The following PTPRN2 variants were observed in gnomAD, a reference collection of about 807,000 sequenced individuals.
PTPRN2 encodes protein tyrosine phosphatase receptor type N2, also known as receptor-type tyrosine-protein phosphatase N2.
PTPRN2 carries 74 observed loss-of-function variants against 118.8 expected under a neutral mutation model. The observed-to-expected ratio is 0.62, with a 90% CI of 0.52 to 0.76. PTPRN2 has a LOEUF of 0.76. Among genes scored for constraint, PTPRN2 ranks in the 30% least tolerant of loss-of-function variants. The pLI, the probability that PTPRN2 is intolerant of heterozygous loss-of-function variation, is 0.00. For missense variants in PTPRN2, 1,481 were observed against 1,394.4 expected (o/e 1.06, Z -0.99); for synonymous variants, 641 against 608.0 (o/e 1.05, Z -0.80).
At chr7:158,508,370 AC>A (rs1400878168) in intron 1 of PTPRN2, among the ~76,000 whole-genome samples, 1 of 152,196 alleles carries the variant, frequency 6.6e-6, no homozygotes, top group Non-Finnish European at 1.5e-5. Flanking sequence ...TGTATGTGGC[AC>A]CTGTCCAAGC....
intron 2 of PTPRN2, among the ~76,000 whole-genome samples, chr7:158,362,190 C>T (rs1203539722): frequency 6.6e-6 from 1 of 152,234 alleles, no homozygotes; most frequent in African/African-American, 2.4e-5. Flanking sequence ...CCCAGCTCTC[C>T]TAACTCAGCT....
rs1404785453 is a variant in PTPRN2, at chr7:157,908,881, C to T, written c.1724-10144G>A. Among the ~76,000 whole-genome samples, 3 of 152,018 alleles carry T rather than the reference C, an allele frequency of 2.0e-5. No individual in the cohort carries two copies. In the South Asian group the frequency reaches 6.2e-4, roughly 32 times the overall value. On this transcript the variant is annotated intron_variant, in intron 11 of 22. Transcript: ENST00000389418. ...GCTTTTGAAGCATAGTTTTAGTTTA[C>T]AATTTTAAGTGCATTTTTATTTTTA...
rs559012945 is a variant in PTPRN2 at position 158,253,449 on chromosome 7, G to A, written c.278-48176C>T. Reference sequence around the variant, plus strand: ...GAGGAAGCACTCAACAGAACCTTCCGTTTCCAGTCACCGGGTGATTGCCGC... The same window carrying A: ...GAGGAAGCACTCAACAGAACCTTCCATTTCCAGTCACCGGGTGATTGCCGC... On this transcript the variant is annotated intron_variant, in intron 3 of 22. Coordinates refer to ENST00000389418, the MANE Select transcript of PTPRN2 (RefSeq NM_002847.5). 1.9e-3 allele frequency among the ~76,000 whole-genome samples: 290 copies of A among 152,308 alleles called. 1 individual carries two copies. Among genetic ancestry groups the A allele is most frequent in the Middle Eastern group, 3.4e-3 (1 of 294 alleles).
chr7:157,563,426 C>T (rs867985069), intron 21 of PTPRN2, among the ~76,000 whole-genome samples: 2 of 71,514 alleles, frequency 2.8e-5, no homozygotes, highest in Non-Finnish European at 5.4e-5. Context: ...ATCAGGACCA[C>T]GTGCTCCCAC....
chr7:158,270,888 C>CT (rs1798386974), intron 3 of PTPRN2, among the ~76,000 whole-genome samples: 2 of 80,980 alleles, frequency 2.5e-5, no homozygotes, highest in African/African-American at 5.3e-5. Flanking sequence ...ACCTGGATGA[C>CT]CCCCTCCACC....
chr7:158,035,008 A>G (rs1269586026), intron 11 of PTPRN2, among the ~76,000 whole-genome samples: 1 of 152,278 alleles, frequency 6.6e-6, no homozygotes, highest in African/African-American at 2.4e-5. Context: ...GGATCAATTT[A>G]GTAAATTCTT....
intron 2 of PTPRN2, among the ~76,000 whole-genome samples, chr7:158,376,485 T>C (rs1810525163): frequency 8.3e-6 from 1 of 119,762 alleles, no homozygotes. Context: ...GAGAGGGGGG[T>C]CAGTGGACTC....
chr7:158,192,548 G>A, intron 4 of PTPRN2, 53 bp from the exon 5 acceptor site: 1 of 1,538,826 alleles, frequency 6.5e-7, no homozygotes, highest in Non-Finnish European at 8.7e-7. Flanking sequence ...GGTGCCTGGA[G>A]CTGCTCTGTC....
Position 157,889,639 on chromosome 7 carries a change from C to CG in PTPRN2, c.1788+9033dup, listed in dbSNP as rs1479711600. ...CAAACATTAGCTGACCATGCATGCCCGTGTCTCCCCTTCACAAATATTCAC... is the reference window on the plus strand; with the variant it reads ...CAAACATTAGCTGACCATGCATGCCCGGTGTCTCCCCTTCACAAATATTCAC... On this transcript the variant is annotated intron_variant, in intron 12 of 22. Transcript: ENST00000389418. 2.0e-5 allele frequency among the ~76,000 whole-genome samples: 3 copies of CG among 152,344 alleles called. No homozygotes were observed. The South Asian group carries it at 6.2e-4, about 32-fold the overall frequency.
In PTPRN2 at chr7:158,279,891, T is replaced by A. The variant is rs1047238601; in HGVS notation, c.277+36928A>T. On this transcript the variant is annotated intron_variant, in intron 3 of 22. Coordinates refer to ENST00000389418, the MANE Select transcript of PTPRN2 (RefSeq NM_002847.5). ...CTGCTAGCACGTTATCACCTCTCAA[T>A]GTGGACTTGACCCCACGGTGTGCCA... is the stretch of plus-strand genomic sequence containing the variant. Among the ~76,000 whole-genome samples, 3 of 152,044 alleles carry A rather than the reference T, an allele frequency of 2.0e-5. No homozygotes were observed. The East Asian group carries it at 5.8e-4, about 30-fold the overall frequency.
rs552843987 is a variant in PTPRN2 at position 157,714,446 on chromosome 7, T to C, written c.1789-31509A>G. Among the ~76,000 whole-genome samples the C allele has an allele frequency of 2.0e-5, 3 of 152,338 alleles. No homozygotes were observed. The East Asian group carries it at 5.8e-4, about 29-fold the overall frequency. ...AGCTCTGCTTGGCAGAATTGAGGGA[T>C]GTCTCCATTTTATCCAGGGCGAGCT... is the stretch of plus-strand genomic sequence containing the variant. On this transcript the variant is annotated intron_variant, in intron 12 of 22. Coordinates refer to ENST00000389418, the MANE Select transcript of PTPRN2 (RefSeq NM_002847.5).
chr7:158,020,372 A>G (rs563585393), intron 11 of PTPRN2, among the ~76,000 whole-genome samples: 7 of 152,206 alleles, frequency 4.6e-5, no homozygotes, highest in South Asian at 2.1e-4. Flanking sequence ...CTCAGAGATG[A>G]GGGGGTGAGG....
At chr7:158,495,101 T>A (rs1426983437) in intron 1 of PTPRN2, among the ~76,000 whole-genome samples, 1 of 152,074 alleles carries the variant, frequency 6.6e-6, no homozygotes, top group African/African-American at 2.4e-5. Context: ...GGTCCTTTGA[T>A]GACAGATGTC....
intron 11 of PTPRN2, among the ~76,000 whole-genome samples, chr7:157,911,464 G>T (rs1395372401): frequency 6.6e-6 from 1 of 152,218 alleles, no homozygotes; most frequent in Non-Finnish European, 1.5e-5. Context: ...CGGGCTCCTG[G>T]AAATGATTCC....
intron 1 of PTPRN2, among the ~76,000 whole-genome samples, chr7:158,512,133 A>C (rs1276871825): frequency 6.6e-6 from 1 of 152,236 alleles, no homozygotes; most frequent in East Asian, 1.9e-4. Flanking sequence ...AGATGTGTGA[A>C]GCCACTGACA....
intron 3 of PTPRN2, among the ~76,000 whole-genome samples, chr7:158,269,948 A>G (rs1039989729): frequency 2.6e-5 from 4 of 152,188 alleles, no homozygotes; most frequent in Non-Finnish European, 4.4e-5. Context: ...AGACACAGGG[A>G]GACAGAGAGA....
intron 1 of PTPRN2, among the ~76,000 whole-genome samples, chr7:158,492,984 C>A (rs542433929): frequency 6.6e-6 from 1 of 152,368 alleles, no homozygotes; most frequent in Non-Finnish European, 1.5e-5. Context: ...ACAAGGAAAG[C>A]CAACAGCGGC....
chr7:157,746,924 C>T (rs1363478219), intron 12 of PTPRN2, among the ~76,000 whole-genome samples: 31 of 137,588 alleles, frequency 2.3e-4, no homozygotes, highest in East Asian at 1.2e-3. Context: ...GGCCTGCGTC[C>T]CTGAGCTCTG....
At chr7:157,820,671 C>A (rs1347991496) in intron 12 of PTPRN2, among the ~76,000 whole-genome samples, 1 of 152,234 alleles carries the variant, frequency 6.6e-6, no homozygotes, top group Non-Finnish European at 1.5e-5. Context: ...CATACACACA[C>A]CTTCACCTGA....
Sources: gnomAD v4.1 joint callset for allele counts (sites outside exome capture counted in the v4.1 genomes callset) on GRCh38, gnomAD v4.1.1 for gene constraint, MANE v1.5 for transcripts, NCBI Gene and HGNC (gene_info 2026-07-23, HGNC 2026-07-21) for gene names.